The following STX18 variants were observed in gnomAD, a reference collection of about 807,000 sequenced individuals.
STX18 encodes syntaxin-18.
STX18 carries 40 observed loss-of-function variants against 50.1 expected under a neutral mutation model. That is an observed-to-expected ratio of 0.80 (90% CI 0.62 to 1.04). STX18 has a LOEUF of 1.04. STX18 is among the 50% of genes least tolerant of loss of function. The probability of loss-of-function intolerance (pLI) is 0.00; values close to 1 mark genes in which losing one functional copy is unlikely to be tolerated. For synonymous variants in STX18, 158 were observed against 151.8 expected (o/e 1.04, Z -0.30); for missense variants, 410 against 415.8 (o/e 0.99, Z 0.12).
intron 7 of STX18, among the ~76,000 whole-genome samples, chr4:4,432,955 G>A (rs1725587286): frequency 6.6e-6 from 1 of 152,116 alleles, no homozygotes; most frequent in Non-Finnish European, 1.5e-5. Context: ...GTGGGCCGGC[G>A]CGGCTGTTCT....
chr4:4,467,702 A>G (rs1201555408), intron 2 of STX18, among the ~76,000 whole-genome samples: 1 of 149,392 alleles, frequency 6.7e-6, no homozygotes, highest in East Asian at 2.0e-4. Context: ...CAGAGTACCT[A>G]ACACAGAATA....
In STX18 at chr4:4,420,720, G is replaced by C. The variant is rs1210857893; in HGVS notation, c.912+144C>G. Reference sequence around the variant, plus strand: ...GTGGTGGGTCTCATGAACACACGCAGCTCCGCGGTCACACAATTTTGTGAT... The same window carrying C: ...GTGGTGGGTCTCATGAACACACGCACCTCCGCGGTCACACAATTTTGTGAT... On this transcript the variant is annotated intron_variant, in intron 10 of 10. Coordinates refer to ENST00000306200, the MANE Select transcript of STX18 (RefSeq NM_016930.4). The surrounding 1 kb of genome is among the most constrained non-coding windows in gnomAD (Gnocchi z 4.3). The C allele has an allele frequency of 1.4e-6, 1 of 726,350 alleles. No individual in the cohort carries two copies. The highest frequency in any genetic ancestry group is 1.8e-5 in the African/African-American group (1 of 56,756). 45.0% of individuals were successfully genotyped at this position (726,350 alleles called of 1,614,324 possible).
At chr4:4,482,861 T>C (rs1728527573) in intron 1 of STX18, among the ~76,000 whole-genome samples, 2 of 152,190 alleles carry the variant, frequency 1.3e-5, no homozygotes, top group African/African-American at 4.8e-5. Context: ...CTTTATTCCA[T>C]CAGTCTGGAA....
At chr4:4,515,075 G>A (rs1459484004) in intron 1 of STX18, among the ~76,000 whole-genome samples, 4 of 152,072 alleles carry the variant, frequency 2.6e-5, no homozygotes, top group Non-Finnish European at 5.9e-5. Context: ...ATAATTCTCA[G>A]AAAGTACATT....
At position 4,486,366 on chromosome 4, in the gene STX18, T is replaced by C. The variant is rs535138337; in HGVS notation, c.169-14660A>G. Among the ~76,000 whole-genome samples the C allele has an allele frequency of 9.8e-5, 15 of 152,304 alleles. No individual in the cohort carries two copies. The South Asian group carries it at 2.3e-3, about 23-fold the overall frequency. On this transcript the variant is annotated intron_variant, in intron 1 of 10. Coordinates refer to ENST00000306200, the MANE Select transcript of STX18 (RefSeq NM_016930.4). ...AGAAATCAGAAATGTCATTCACATG[T>C]CAATAAGATGGAGGTAAAATAGACA... is the stretch of plus-strand genomic sequence containing the variant.
intron 1 of STX18, among the ~76,000 whole-genome samples, chr4:4,506,862 G>A (rs1471751991): frequency 6.6e-6 from 1 of 152,186 alleles, no homozygotes; most frequent in Non-Finnish European, 1.5e-5. Context: ...GTGATGAAGT[G>A]AGAGGATAAA....
chr4:4,481,447 G>T (rs10031273), intron 1 of STX18, among the ~76,000 whole-genome samples: 50,733 of 152,034 alleles, frequency 0.33, 12,139 homozygotes, highest in African/African-American at 0.68. Flanking sequence ...TTGTAAAAAG[G>T]TCCCTGTAAC....
intron 1 of STX18, among the ~76,000 whole-genome samples, chr4:4,518,229 C>T (rs768064140): frequency 2.6e-4 from 40 of 152,244 alleles, no homozygotes; most frequent in South Asian, 6.2e-4. Context: ...TTTCTTATAA[C>T]GGTTTGTTAA....
intron 1 of STX18, among the ~76,000 whole-genome samples, chr4:4,489,502 A>T (rs1728851566): frequency 7.6e-6 from 1 of 131,398 alleles, no homozygotes; most frequent in African/African-American, 2.9e-5. Flanking sequence ...TGCCTGCCTC[A>T]GCCTCCCAAA....
At chr4:4,489,886 T>C (rs1231373064) in intron 1 of STX18, among the ~76,000 whole-genome samples, 1 of 152,210 alleles carries the variant, frequency 6.6e-6, no homozygotes, top group Admixed American at 6.5e-5. Context: ...GTTCTTACTT[T>C]CTTTGGACAA....
chr4:4,474,793 C>A (rs1374094532), intron 1 of STX18, among the ~76,000 whole-genome samples: 6 of 152,200 alleles, frequency 3.9e-5, no homozygotes, highest in Admixed American at 3.9e-4. Context: ...TTCCTTAGAG[C>A]CTCCAGAAAA....
At chr4:4,457,118 C>A in intron 5 of STX18, 73 bp downstream of exon 5, 1 of 1,368,720 alleles carries the variant, frequency 7.3e-7, no homozygotes, top group Admixed American at 1.7e-5. Context: ...AGGGTAAGTG[C>A]TCTACAAACT....
Position 4,499,863 on chromosome 4 carries a change from CT to C in STX18, c.169-28158del, listed in dbSNP as rs11404477. The stretch of plus-strand genomic sequence containing the variant: ...GGGGGGAAATGGCTTTTCAAATCGA[CT>C]TTTTTTTTTTCAAATAAAATGACTG... On this transcript the variant is annotated intron_variant, in intron 1 of 10. Transcript: ENST00000306200. 6.0e-3 allele frequency among the ~76,000 whole-genome samples: 893 copies of C among 148,106 alleles called. 5 individuals carry two copies. The highest frequency in any genetic ancestry group is 0.021 in the African/African-American group (834 of 40,482).
At chr4:4,478,546 G>C (rs1053269049) in intron 1 of STX18, 3 of 152,246 alleles carry the variant, frequency 2.0e-5, no homozygotes, top group Non-Finnish European at 4.4e-5. Context: ...ATAGGGTAGA[G>C]GGCAGAGGAA....
chr4:4,449,039 ATTCT>A (rs1361047587), intron 5 of STX18, among the ~76,000 whole-genome samples: 6 of 134,220 alleles, frequency 4.5e-5, no homozygotes, highest in African/African-American at 1.4e-4. Flanking sequence ...CTTGGACCCC[ATTCT>A]TTTTTTTTTT....
At chr4:4,505,308 G>A (rs576360691) in intron 1 of STX18, among the ~76,000 whole-genome samples, 1 of 152,304 alleles carries the variant, frequency 6.6e-6, no homozygotes, top group Admixed American at 6.5e-5. Context: ...TACACTTACA[G>A]ATGTATTTAC....
At chr4:4,501,101 C>A (rs556586758) in intron 1 of STX18, among the ~76,000 whole-genome samples, 1 of 152,164 alleles carries the variant, frequency 6.6e-6, no homozygotes, top group South Asian at 2.1e-4. Flanking sequence ...TGTTGGACAC[C>A]TAGTTTGTTT....
chr4:4,525,142 ACC>A (rs1379176737), intron 1 of STX18, among the ~76,000 whole-genome samples: 1 of 152,214 alleles, frequency 6.6e-6, no homozygotes, highest in Non-Finnish European at 1.5e-5. Flanking sequence ...TTTAAAAGTA[ACC>A]AATGTTTCTT....
At chr4:4,433,738 G>C (rs1456931255) in intron 7 of STX18, among the ~76,000 whole-genome samples, 4 of 152,084 alleles carry the variant, frequency 2.6e-5, no homozygotes, top group Non-Finnish European at 5.9e-5. Flanking sequence ...GACATGCCAG[G>C]AGTGGATAGA....
Sources: gnomAD v4.1 joint callset for allele counts (sites outside exome capture counted in the v4.1 genomes callset) on GRCh38, gnomAD v4.1.1 for gene constraint, Gnocchi (gnomAD v3.1) non-coding constraint, MANE v1.5 for transcripts, NCBI Gene and HGNC (gene_info 2026-07-23, HGNC 2026-07-21) for gene names.